Variants in C7 observed in about 807,000 individuals in gnomAD.
The protein encoded by C7 is complement C7, also known as complement component C7.
Under a neutral mutation model 104.8 loss-of-function variants are expected in C7, and 83 were observed. That is an observed-to-expected ratio of 0.79 (90% CI 0.66 to 0.95). The LOEUF is 0.95. C7 is among the 40% of genes least tolerant of loss of function. The pLI, the probability that C7 is intolerant of heterozygous loss-of-function variation, is 0.00. For synonymous variants in C7, 415 were observed against 360.6 expected, an observed-to-expected ratio of 1.15 and a Z score of -1.71; for missense variants, 1,070 against 1,011.2, an observed-to-expected ratio of 1.06 and a Z score of -0.79.
chr5:40,943,680 CAT>C (rs1351341429), intron 6 of C7, among the ~76,000 whole-genome samples: 1 of 149,002 alleles, frequency 6.7e-6, no homozygotes, highest in African/African-American at 2.5e-5. Context: ...TGTGTATATA[CAT>C]ATATGTGTGT....
At chr5:40,946,777 A>C (rs1431264362) in intron 7 of C7, among the ~76,000 whole-genome samples, 1 of 152,040 alleles carries the variant, frequency 6.6e-6, no homozygotes, top group Non-Finnish European at 1.5e-5. Context: ...TATATAAGAA[A>C]TTATCATATA....
intron 9 of C7, among the ~76,000 whole-genome samples, chr5:40,952,064 T>C (rs770421010): frequency 7.2e-5 from 11 of 152,342 alleles, no homozygotes; most frequent in Admixed American, 1.3e-4. Context: ...GTGAGAGCTT[T>C]GAGAAGATGT....
In C7 at chr5:40,922,079, C is replaced by A. The variant is rs1357504950; in HGVS notation, c.7-6501C>A. ...ACAAACAAACAAACAAAAACAACAA[C>A]AAAAAATACATTGGAGGCCATGTGC... On this transcript the variant is annotated intron_variant, in intron 1 of 17. Transcript: ENST00000313164. Among the ~76,000 whole-genome samples, 9 of 143,664 alleles carry A rather than the reference C, an allele frequency of 6.3e-5. No individual in the cohort carries two copies. In the Admixed American group the frequency reaches 6.3e-4, roughly 10 times the overall value. 94.2% of individuals were successfully genotyped at this position (143,664 alleles called of 152,430 possible).
chr5:40,933,959 G>C (rs182497882), intron 3 of C7, among the ~76,000 whole-genome samples: 1 of 141,252 alleles, frequency 7.1e-6, no homozygotes, highest in Non-Finnish European at 1.5e-5. Flanking sequence ...TTTTTGAGAC[G>C]GTGTCTCACT....
chr5:40,966,730 T>G (rs953247893), intron 14 of C7, among the ~76,000 whole-genome samples: 1 of 152,148 alleles, frequency 6.6e-6, no homozygotes, highest in Non-Finnish European at 1.5e-5. Context: ...TAGTCTCCAG[T>G]CTCATCCACG....
chr5:40,974,785 T>G (rs2111716431), intron 15 of C7, among the ~76,000 whole-genome samples: 1 of 152,332 alleles, frequency 6.6e-6, no homozygotes, highest in East Asian at 1.9e-4. Context: ...AAGTAAATTT[T>G]TAACCACAGT....
chr5:40,965,687 G>C (rs1288995843), intron 14 of C7, among the ~76,000 whole-genome samples: 1 of 146,812 alleles, frequency 6.8e-6, no homozygotes, highest in African/African-American at 2.5e-5. Context: ...TTTTGCCAAG[G>C]CTGGAGTGCA....
rs777723088 is a variant in C7, at chr5:40,945,190, C to A, written c.568-8C>A. 1.4e-6 allele frequency: 2 copies of A among 1,427,512 alleles called. No homozygotes were observed. Among genetic ancestry groups the A allele is most frequent in the Non-Finnish European group, 1.9e-6 (2 of 1,058,460 alleles). 88.4% of individuals were successfully genotyped at this position (1,427,512 alleles called of 1,614,324 possible). On this transcript the variant is annotated splice_region_variant and splice_polypyrimidine_tract_variant and intron_variant, in intron 6 of 17. Transcript: ENST00000313164. Reference sequence around the variant, plus strand: ...TAGTCATAGCAAAATTTTTCATTTTCTTTGTAGGTGAAAATAAATAATGAT... The same window carrying A: ...TAGTCATAGCAAAATTTTTCATTTTATTTGTAGGTGAAAATAAATAATGAT...
At chr5:40,949,383 C>A (rs564544998) in intron 8 of C7, among the ~76,000 whole-genome samples, 151 of 145,876 alleles carry the variant, frequency 1.0e-3, no homozygotes, top group African/African-American at 3.6e-3. Context: ...ACACAAAAAA[C>A]TCCCCTTGAT....
rs1473096851 is a variant in C7 at position 40,964,762 on chromosome 5, G to A, written c.1771G>A (p.Val591Met). The change falls in exon 14 of 18, where the codon GTG becomes ATG. Residue 591 changes from valine to methionine, a missense_variant. Physicochemically the swap from Val to Met is conservative, Grantham distance 21. Transcript: ENST00000313164. The part of the protein sequence containing the change: ...FVQDEGTMFP[V>M]GKNVVYTCNE... ...TTAGGATGAAGGTACAATGTTTCCT[G>A]TGGGGAAAAATGTAGTGTACACTTG... The A allele has an allele frequency of 1.2e-6, 2 of 1,613,012 alleles. No homozygotes were observed. Among genetic ancestry groups the A allele is most frequent in the African/African-American group, 2.7e-5 (2 of 74,882 alleles).
In C7 at chr5:40,984,095, A is replaced by G. The variant is rs1741011250; in HGVS notation, c.*2522A>G. Among the ~76,000 whole-genome samples the G allele has an allele frequency of 6.6e-6, 1 of 152,178 alleles. No homozygotes were observed. Among genetic ancestry groups the G allele is most frequent in the Non-Finnish European group, 1.5e-5 (1 of 68,028 alleles). On this transcript the variant is annotated 3_prime_UTR_variant, in exon 18 of 18. Coordinates refer to ENST00000313164, the MANE Select transcript of C7 (RefSeq NM_000587.4). ...CTGGGCAGAGAAGGTGCCTGAGAATATTTCCTAATCGTTTTGAGAAGTGCC... is the reference window on the plus strand; with the variant it reads ...CTGGGCAGAGAAGGTGCCTGAGAATGTTTCCTAATCGTTTTGAGAAGTGCC...
rs192441969 is a variant in C7, at chr5:40,957,735, C to A, written c.1261-298C>A. Among the ~76,000 whole-genome samples, 45 of 150,178 alleles carry A rather than the reference C, an allele frequency of 3.0e-4. No individual in the cohort carries two copies. The East Asian group carries it at 8.6e-3, about 29-fold the overall frequency. On this transcript the variant is annotated intron_variant, in intron 10 of 17. Coordinates refer to ENST00000313164, the MANE Select transcript of C7 (RefSeq NM_000587.4). The stretch of plus-strand genomic sequence containing the variant: ...CCTCTCAAAGTGCTGGCGTTACAGG[C>A]GTGAGTCATCGCGCCTGGGCTGGTT...
chr5:40,950,100 A>T, intron 9 of C7, 86 bp downstream of exon 9: 2 of 743,974 alleles, frequency 2.7e-6, no homozygotes, highest in Non-Finnish European at 4.5e-6. Flanking sequence ...GAAGTTATGT[A>T]GGTAAACTTG....
chr5:40,912,658 T>A (rs2111604642), intron 1 of C7, among the ~76,000 whole-genome samples: 1 of 152,314 alleles, frequency 6.6e-6, no homozygotes, highest in African/African-American at 2.4e-5. Context: ...CAAACCTGGC[T>A]GAAATTATTT....
In C7 at chr5:40,955,573, A is replaced by C; in HGVS notation, c.1260+20A>C. 6.3e-7 allele frequency: 1 copy of C among 1,595,114 alleles called. No homozygotes were observed. ...CAAAAGGTATGTCAGGCTTTGTTTA[A>C]AGCAATAGGAAGCAGTCATGTTTAT... is the stretch of plus-strand genomic sequence containing the variant. On this transcript the variant is annotated intron_variant, in intron 10 of 17. Transcript: ENST00000313164.
Position 40,981,629 on chromosome 5 carries a change from T to TGAA in C7, c.*57_*59dup. ...AATCCAGCAGGCAGCTGGGGCTGAG[T>TGAA]GAAAACATCTGCACAACTGGGCACT... On this transcript the variant is annotated 3_prime_UTR_variant, in exon 18 of 18. Transcript: ENST00000313164. 1 of 1,449,978 alleles carries TGAA rather than the reference T, an allele frequency of 6.9e-7. No homozygotes were observed. The highest frequency in any genetic ancestry group is 2.4e-5 in the East Asian group (1 of 42,542). 89.8% of individuals were successfully genotyped at this position (1,449,978 alleles called of 1,614,324 possible). A position where few individuals can be genotyped will look rare whatever the true frequency, so the allele number is the denominator to read the frequency against.
chr5:40,943,465 T>G (rs922730863), intron 6 of C7, among the ~76,000 whole-genome samples: 1 of 152,030 alleles, frequency 6.6e-6, no homozygotes, highest in Admixed American at 6.6e-5. Flanking sequence ...TGCAGCTATG[T>G]GTAGGTAGAT....
chr5:40,931,207 A>G (rs1455400104), intron 3 of C7, 68 bp downstream of exon 3: 26 of 1,156,702 alleles, frequency 2.2e-5, no homozygotes, highest in Non-Finnish European at 3.4e-5. Context: ...CCAAAATGGT[A>G]TTAACTTTTG....
Position 40,976,813 on chromosome 5 carries a change from G to A in C7, c.2138G>A (p.Cys713Tyr). The A allele has an allele frequency of 6.2e-7, 1 of 1,607,124 alleles. No homozygotes were observed. Among genetic ancestry groups the A allele is most frequent in the Non-Finnish European group, 8.5e-7 (1 of 1,176,534 alleles). Residue 713 changes from cysteine (C) to tyrosine (Y), a missense_variant, in exon 16 of 18, where the codon TGT becomes TAT. By Grantham distance (194) the Cys-to-Tyr change is radical (BLOSUM62 -2). Transcript: ENST00000313164. The stretch of plus-strand genomic sequence containing the variant: ...TGGGAGAAACTGCAGAATTCAAGAT[G>A]TGTTTGTAAAATGCCCTACGAATGT... ...QRWEKLQNSRCVCKMPYECGP... is the reference protein window; with the variant it reads ...QRWEKLQNSRYVCKMPYECGP...
Sources: gnomAD v4.1 joint callset for allele counts (sites outside exome capture counted in the v4.1 genomes callset) on GRCh38, gnomAD v4.1.1 for gene constraint, MANE v1.5 for transcripts, NCBI Gene and HGNC (gene_info 2026-07-23, HGNC 2026-07-21) for gene names.